The following GALNT2 variants were observed in gnomAD, a reference collection of about 807,000 sequenced individuals.
GALNT2 encodes the protein UDP-GalNAc:polypeptide N-acetylgalactosaminyltransferase 2.
A neutral mutation model predicts 81.4 loss-of-function variants in GALNT2; 31 were observed. The ratio of observed to expected loss-of-function variants is 0.38; its 90% CI spans 0.29 to 0.51. The LOEUF is 0.51. Ranked by LOEUF, GALNT2 falls within the 20% of genes least tolerant of loss-of-function variation. The pLI, the probability that GALNT2 is intolerant of heterozygous loss-of-function variation, is 0.87. For missense variants in GALNT2, 629 were observed against 765.7 expected (o/e 0.82, Z 2.11); for synonymous variants, 303 against 287.4 (o/e 1.05, Z -0.55).
At chr1:230,143,973 T>G (rs937779755) in intron 1 of GALNT2, among the ~76,000 whole-genome samples, 15 of 152,236 alleles carry the variant, frequency 9.9e-5, no homozygotes, top group African/African-American at 3.6e-4. Context: ...AGCACTCTTT[T>G]AAATGGAGGT....
chr1:230,183,943 T>G (rs1663237180), intron 2 of GALNT2, among the ~76,000 whole-genome samples: 2 of 151,908 alleles, frequency 1.3e-5, no homozygotes. Flanking sequence ...GTACCACTAT[T>G]CTGAGCCTGG....
chr1:230,140,155 G>A (rs766438782), intron 1 of GALNT2, among the ~76,000 whole-genome samples: 22 of 152,326 alleles, frequency 1.4e-4, no homozygotes, highest in Admixed American at 1.3e-4. Flanking sequence ...CTTGGGGGTC[G>A]GCTTTTTAAT....
chr1:230,155,599 C>A (rs1327302618), intron 1 of GALNT2, among the ~76,000 whole-genome samples: 2 of 152,168 alleles, frequency 1.3e-5, no homozygotes, highest in Non-Finnish European at 2.9e-5. Context: ...CAGGGCAGGA[C>A]TCTCCCAGGA....
At chr1:230,133,112 T>C (rs1165627275) in intron 1 of GALNT2, among the ~76,000 whole-genome samples, 2 of 152,262 alleles carry the variant, frequency 1.3e-5, no homozygotes, top group Admixed American at 1.3e-4. Context: ...TTTTACATGA[T>C]CTAAAAAGCT....
intron 1 of GALNT2, among the ~76,000 whole-genome samples, chr1:230,130,416 G>C (rs183240750): frequency 1.6e-3 from 238 of 152,300 alleles, no homozygotes; most frequent in Admixed American, 2.5e-3. Context: ...CTGGGCACTG[G>C]CTGATGTTAA....
intron 1 of GALNT2, among the ~76,000 whole-genome samples, chr1:230,102,179 AC>A (rs576746273): frequency 1.6e-4 from 24 of 152,306 alleles, no homozygotes; most frequent in Middle Eastern, 3.4e-3. Context: ...CTCCTGAAAA[AC>A]AAGCTTCCTT....
chr1:230,100,463 T>A (rs576919533), intron 1 of GALNT2, among the ~76,000 whole-genome samples: 5 of 152,160 alleles, frequency 3.3e-5, no homozygotes, highest in Admixed American at 3.3e-4. Context: ...GTAGCTGGGA[T>A]TACAGGCACC....
chr1:230,190,372 T>G (rs1455061027), intron 2 of GALNT2, among the ~76,000 whole-genome samples: 1 of 152,242 alleles, frequency 6.6e-6, no homozygotes, highest in Non-Finnish European at 1.5e-5. Flanking sequence ...ACCCACGCAC[T>G]TGAAGCCTCA....
intron 1 of GALNT2, among the ~76,000 whole-genome samples, chr1:230,061,733 GGTAACCAACTCAATTGTTTTCT>G (rs1213004075): frequency 6.6e-6 from 1 of 151,888 alleles, no homozygotes; most frequent in Non-Finnish European, 1.5e-5. Context: ...ACCCCTTCTA[GGTAACCAACTCAATTGTTTTCT>G]GGTTTACCAC....
rs1208335527 is a variant in GALNT2 at position 230,280,356 on chromosome 1, G to A, written c.*898G>A. ...TACTGTGCGTCAGAATCCACCTTGC[G>A]TGCTGTGCGTATCTGTGAACCTGGA... is the stretch of plus-strand genomic sequence containing the variant. On this transcript the variant is annotated 3_prime_UTR_variant, in exon 16 of 16. Coordinates refer to ENST00000366672, the MANE Select transcript of GALNT2 (RefSeq NM_004481.5). The A allele has an allele frequency of 4.3e-5, 11 of 257,020 alleles. No individual in the cohort carries two copies. The highest frequency in any genetic ancestry group is 1.0e-4 in the South Asian group (2 of 19,672). 15.9% of individuals were successfully genotyped at this position (257,020 alleles called of 1,614,324 possible).
intron 2 of GALNT2, among the ~76,000 whole-genome samples, chr1:230,188,029 G>A (rs764811636): frequency 6.6e-5 from 10 of 152,134 alleles, no homozygotes; most frequent in Admixed American, 4.6e-4. Context: ...TGGGCCCTAC[G>A]GTTCCAGGCT....
intron 1 of GALNT2, among the ~76,000 whole-genome samples, chr1:230,129,230 C>T (rs1036493734): frequency 6.6e-6 from 1 of 152,226 alleles, no homozygotes; most frequent in East Asian, 1.9e-4. Flanking sequence ...TGCAGATATG[C>T]TGCGAATTTT....
chr1:230,232,972 AG>A (rs1321047174), intron 3 of GALNT2, among the ~76,000 whole-genome samples: 1 of 152,188 alleles, frequency 6.6e-6, no homozygotes, highest in Admixed American at 6.5e-5. Context: ...CTATAATAAA[AG>A]AAGCCCATTT....
intron 14 of GALNT2, among the ~76,000 whole-genome samples, chr1:230,270,167 C>T (rs1666131276): frequency 6.6e-6 from 1 of 152,174 alleles, no homozygotes; most frequent in African/African-American, 2.4e-5. Flanking sequence ...CACCACTATA[C>T]TCCAGCCTGG....
At chr1:230,067,686 G>C (rs1175213032) in intron 1 of GALNT2, among the ~76,000 whole-genome samples, 2 of 152,080 alleles carry the variant, frequency 1.3e-5, no homozygotes, top group African/African-American at 2.4e-5. Flanking sequence ...AGTCTTGTCC[G>C]GCCGCCGGGA....
chr1:230,270,094 G>T (rs183560577), intron 14 of GALNT2, among the ~76,000 whole-genome samples: 1 of 152,166 alleles, frequency 6.6e-6, no homozygotes, highest in Non-Finnish European at 1.5e-5. Flanking sequence ...CCAGCTACTC[G>T]GGGAGCTGAG....
At chr1:230,127,579 T>C (rs1026780076) in intron 1 of GALNT2, among the ~76,000 whole-genome samples, 2 of 152,058 alleles carry the variant, frequency 1.3e-5, no homozygotes, top group Admixed American at 6.5e-5. Flanking sequence ...TTTCACCATG[T>C]TAGCCAGGAT....
rs115256062 is a variant in GALNT2 at position 230,186,752 on chromosome 1, A to G, written c.220+8441A>G. On this transcript the variant is annotated intron_variant, in intron 2 of 15. Transcript: ENST00000366672. The stretch of plus-strand genomic sequence containing the variant: ...ACTATTGCATACAGTTGGTTTTCTT[A>G]TCTTCAAAGAGATCAGAATGTACTG... Among the ~76,000 whole-genome samples the G allele has an allele frequency of 2.1e-3, 315 of 152,326 alleles. 2 individuals are homozygous for G. The highest frequency in any genetic ancestry group is 3.5e-3 in the Non-Finnish European group (241 of 68,014).
At chr1:230,120,026 C>T (rs1332710046) in intron 1 of GALNT2, among the ~76,000 whole-genome samples, 1 of 152,040 alleles carries the variant, frequency 6.6e-6, no homozygotes, top group African/African-American at 2.4e-5. Context: ...TGCTGGGAAG[C>T]GTTTGCGGTT....
Sources: gnomAD v4.1 joint callset for allele counts (sites outside exome capture counted in the v4.1 genomes callset) on GRCh38, gnomAD v4.1.1 for gene constraint, MANE v1.5 for transcripts, NCBI Gene and HGNC (gene_info 2026-07-23, HGNC 2026-07-21) for gene names.